The following ESYT1 variants were observed in gnomAD, a reference collection of about 807,000 sequenced individuals.
The protein encoded by ESYT1 is extended synaptotagmin 1, also known as extended synaptotagmin-1.
ESYT1 carries 116 observed loss-of-function variants against 154.2 expected under a neutral mutation model. That is an observed-to-expected ratio of 0.75 (90% CI 0.65 to 0.88). The LOEUF is 0.88. ESYT1 is among the 40% of genes least tolerant of loss of function. The pLI is 0.00. For missense variants in ESYT1, 1,264 were observed against 1,379.3 expected, an observed-to-expected ratio of 0.92 and a Z score of 1.32; for synonymous variants, 500 against 539.9, an observed-to-expected ratio of 0.93 and a Z score of 1.02.
chr12:56,144,035 A>G lies in ESYT1; in HGVS notation c.*173A>G. The stretch of plus-strand genomic sequence containing the variant: ...TTGCCTGACCAAAGAGAAGAACCGT[A>G]TGTTCCCTTTACTGCACGGCCTTTA... On this transcript the variant is annotated 3_prime_UTR_variant, in exon 31 of 31. Coordinates refer to ENST00000394048, the MANE Select transcript of ESYT1 (RefSeq NM_015292.3). 1 of 1,472,080 alleles carries G rather than the reference A, an allele frequency of 6.8e-7. No homozygotes were observed. The highest frequency in any genetic ancestry group is 9.0e-7 in the Non-Finnish European group (1 of 1,116,942). 91.2% of individuals were successfully genotyped at this position (1,472,080 alleles called of 1,614,324 possible). A position where few individuals can be genotyped will look rare whatever the true frequency, so the allele number is the denominator to read the frequency against.
chr12:56,139,110 C>CA, intron 24 of ESYT1, 97 bp downstream of exon 24: 1 of 671,576 alleles, frequency 1.5e-6, no homozygotes, highest in Non-Finnish European at 2.5e-6. Flanking sequence ...AAAAGGTTGA[C>CA]TTTTTTTTTT....
Position 56,136,865 on chromosome 12 carries a change from C to G in ESYT1, c.1754C>G (p.Ser585Cys). 1 of 1,610,162 alleles carries G rather than the reference C, an allele frequency of 6.2e-7. No homozygotes were observed. Among genetic ancestry groups the G allele is most frequent in the Non-Finnish European group, 8.5e-7 (1 of 1,177,560 alleles). ...CAGCTCAGCAGCTCTGGTCCAAACT[C>G]CAGACTCTATATGAAACTAGTCATG... ...WFQLSSSGPN[S>C]RLYMKLVMRI... is the part of the protein sequence containing the mutation. Residue 585 changes from serine (S) to cysteine (C), a missense_variant, in exon 16 of 31, where the codon TCC becomes TGC. Coordinates refer to ENST00000394048, the MANE Select transcript of ESYT1 (RefSeq NM_015292.3).
In ESYT1 at chr12:56,137,492, T is replaced by C. The variant is rs1870510484; in HGVS notation, c.1939-7T>C. The C allele has an allele frequency of 6.2e-7, 1 of 1,611,060 alleles. No individual in the cohort carries two copies. Among genetic ancestry groups the C allele is most frequent in the Non-Finnish European group, 8.5e-7 (1 of 1,177,762 alleles). Reference sequence around the variant, plus strand: ...TGCCATCTGGCACCCCCCCGTCCCTTTTGCAGCATGTGCTTCGGATCCATG... The same window carrying C: ...TGCCATCTGGCACCCCCCCGTCCCTCTTGCAGCATGTGCTTCGGATCCATG... On this transcript the variant is annotated splice_region_variant and splice_polypyrimidine_tract_variant and intron_variant, in intron 17 of 30. Coordinates refer to ENST00000394048, the MANE Select transcript of ESYT1 (RefSeq NM_015292.3).
chr12:56,136,888 A>G lies in ESYT1; in HGVS notation c.1777A>G (p.Met593Val), dbSNP rs1197406078. The stretch of plus-strand genomic sequence containing the variant: ...CTCCAGACTCTATATGAAACTAGTC[A>G]TGAGGGTATGGAAATAGAGGAGGTA... ...PNSRLYMKLV[M>V]RILYLDSSEI... The change falls in exon 16 of 31, where the codon ATG becomes GTG. Residue 593 changes from methionine (M) to valine (V), a missense_variant. Transcript: ENST00000394048. 1.4e-5 allele frequency: 22 copies of G among 1,596,542 alleles called. No individual in the cohort carries two copies. Among genetic ancestry groups the G allele is most frequent in the African/African-American group, 4.0e-5 (3 of 74,266 alleles).
chr12:56,135,492 G>A (rs939622966), intron 15 of ESYT1, among the ~76,000 whole-genome samples: 3 of 151,942 alleles, frequency 2.0e-5, no homozygotes, highest in Non-Finnish European at 4.4e-5. Flanking sequence ...CATTTTAAAG[G>A]TCATAGAAAA....
At chr12:56,128,827 T>C in intron 1 of ESYT1, 118 bp downstream of exon 1, 1 of 1,297,188 alleles carries the variant, frequency 7.7e-7, no homozygotes, top group Non-Finnish European at 1.1e-6. Flanking sequence ...GGCCCCAGAC[T>C]TTCCCCTCTC....
chr12:56,139,099 T>C, intron 24 of ESYT1, 86 bp downstream of exon 24: 1 of 951,732 alleles, frequency 1.1e-6, no homozygotes, highest in South Asian at 1.5e-5. Flanking sequence ...AGAGATGAGA[T>C]AAAAGGTTGA....
intron 1 of ESYT1, among the ~76,000 whole-genome samples, chr12:56,129,781 A>C (rs912835889): frequency 5.3e-5 from 8 of 151,660 alleles, no homozygotes; most frequent in South Asian, 2.1e-4. Context: ...ACACACACAC[A>C]CCCCAAAAAA....
chr12:56,132,075 G>A, intron 7 of ESYT1, 134 bp from the exon 8 acceptor site: 1 of 1,377,782 alleles, frequency 7.3e-7, no homozygotes, highest in Non-Finnish European at 1.0e-6. Flanking sequence ...TAGGGTAGAA[G>A]AGTAGCACAA....
chr12:56,144,264 A>C lies in ESYT1; in HGVS notation c.*402A>C. ...CTAGATGGTCACCTTCTTCCCTACC[A>C]CACATGGGTGGGAAGGTGGACAGGC... On this transcript the variant is annotated 3_prime_UTR_variant, in exon 31 of 31. Transcript: ENST00000394048. 9.3e-7 allele frequency: 1 copy of C among 1,075,448 alleles called. No individual in the cohort carries two copies. Among genetic ancestry groups the C allele is most frequent in the Non-Finnish European group, 1.1e-6 (1 of 883,440 alleles). 66.6% of individuals were successfully genotyped at this position (1,075,448 alleles called of 1,614,324 possible). A position where few individuals can be genotyped will look rare whatever the true frequency, so the allele number is the denominator to read the frequency against.
In ESYT1 at chr12:56,131,110, T is replaced by C; in HGVS notation, c.638T>C (p.Ile213Thr). ...GAGCAGATCCTGCTGGACTTGAACA[T>C]CAGGTAATACCACTCACCACTCTTA... ...RKEQILLDLN[I>T]SYVGDVQIDV... Residue 213 changes from isoleucine to threonine, a missense_variant, in exon 4 of 31, where the codon ATC becomes ACC. Ile to Thr is a moderately conservative substitution (Grantham distance 89). Transcript: ENST00000394048. 1 of 1,614,074 alleles carries C rather than the reference T, an allele frequency of 6.2e-7. No individual in the cohort carries two copies. The highest frequency in any genetic ancestry group is 1.1e-5 in the South Asian group (1 of 91,076).
rs1436267976 is a variant in ESYT1 at position 56,142,759 on chromosome 12, A to G, written c.2888+27A>G. Reference sequence around the variant, plus strand: ...TAAAGGGCTGGGACAGGAAGGTGGGACGCAGTCAGAAATAAAAAGTATTAC... The same window carrying G: ...TAAAGGGCTGGGACAGGAAGGTGGGGCGCAGTCAGAAATAAAAAGTATTAC... On this transcript the variant is annotated intron_variant, in intron 26 of 30. Transcript: ENST00000394048. The surrounding 1 kb of genome is among the most constrained non-coding windows in gnomAD (Gnocchi z 4.1). 8.7e-6 allele frequency: 14 copies of G among 1,613,276 alleles called. No homozygotes were observed. The highest frequency in any genetic ancestry group is 1.2e-5 in the Non-Finnish European group (14 of 1,179,754).
intron 1 of ESYT1, chr12:56,130,354 A>G: frequency 1.6e-6 from 1 of 607,154 alleles, no homozygotes. Flanking sequence ...TGAGCTATCC[A>G]CAGGGCAACA....
intron 15 of ESYT1, among the ~76,000 whole-genome samples, chr12:56,135,448 A>G (rs1870411144): frequency 6.6e-6 from 1 of 151,688 alleles, no homozygotes; most frequent in Non-Finnish European, 1.5e-5. Flanking sequence ...CTTGGATTAC[A>G]GGCGTGAGCC....
rs749337862 is a variant in ESYT1 at position 56,142,816 on chromosome 12, T to C, written c.2889-19T>C. Reference sequence around the variant, plus strand: ...ACTAGGCTCTAGCTTTCCCCAGACCTACTGATATTTCTCCACAGTCCCCTT... The same window carrying C: ...ACTAGGCTCTAGCTTTCCCCAGACCCACTGATATTTCTCCACAGTCCCCTT... On this transcript the variant is annotated intron_variant, in intron 26 of 30. Coordinates refer to ENST00000394048, the MANE Select transcript of ESYT1 (RefSeq NM_015292.3). This position sits in a 1 kb window ranked among gnomAD's most constrained non-coding sequence, Gnocchi z 4.1. 2 of 1,614,060 alleles carry C rather than the reference T, an allele frequency of 1.2e-6. No individual in the cohort carries two copies. The highest frequency in any genetic ancestry group is 2.2e-5 in the East Asian group (1 of 44,888).
At position 56,130,512 on chromosome 12, in the gene ESYT1, C is replaced by G. The variant is rs568280914; in HGVS notation, c.391-70C>G. On this transcript the variant is annotated intron_variant, in intron 1 of 30. Coordinates refer to ENST00000394048, the MANE Select transcript of ESYT1 (RefSeq NM_015292.3). The stretch of plus-strand genomic sequence containing the variant: ...CTCCCTCTCCTCTGTGGCACACCAC[C>G]AGCATCTTAGTAGGAAACCAGAGGC... 5 of 1,587,986 alleles carry G rather than the reference C, an allele frequency of 3.1e-6. No homozygotes were observed. In the African/African-American group the frequency reaches 5.4e-5, roughly 17 times the overall value.
At chr12:56,140,145 A>T (rs894191486) in intron 24 of ESYT1, among the ~76,000 whole-genome samples, 2 of 151,440 alleles carry the variant, frequency 1.3e-5, no homozygotes, top group African/African-American at 4.9e-5. Flanking sequence ...TGGGATTACA[A>T]GCGTGAGAAC....
intron 1 of ESYT1, 33 bp from the exon 2 acceptor site, chr12:56,130,549 G>T (rs750938446): frequency 1.2e-6 from 2 of 1,612,944 alleles, no homozygotes; most frequent in South Asian, 2.2e-5. Flanking sequence ...AGGGTGTGCT[G>T]CACGTCACTG....
chr12:56,140,811 G>A (rs1381522420), intron 24 of ESYT1, among the ~76,000 whole-genome samples: 1 of 152,228 alleles, frequency 6.6e-6, no homozygotes, highest in Non-Finnish European at 1.5e-5. Context: ...AGCAGGAAAC[G>A]ACTAAAGCCT....
Sources: gnomAD v4.1 joint callset for allele counts (sites outside exome capture counted in the v4.1 genomes callset) on GRCh38, gnomAD v4.1.1 for gene constraint, Gnocchi (gnomAD v3.1) non-coding constraint, MANE v1.5 for transcripts, NCBI Gene and HGNC (gene_info 2026-07-23, HGNC 2026-07-21) for gene names.